FGF13: variants seen among roughly 807,000 people sequenced by gnomAD.
FGF13 encodes fibroblast growth factor 13.
A neutral mutation model predicts 19.5 loss-of-function variants in FGF13; 2 were observed. That is an observed-to-expected ratio of 0.10 (90% confidence interval 0.04 to 0.32). The LOEUF is 0.32. Among genes scored for constraint, FGF13 ranks in the 10% least tolerant of loss-of-function variants. The pLI, the probability that FGF13 is intolerant of heterozygous loss-of-function variation, is 1.00. For synonymous variants in FGF13, 72 were observed against 76.9 expected, an observed-to-expected ratio of 0.94 and a Z score of 0.33; for missense variants, 113 against 192.7, an observed-to-expected ratio of 0.59 and a Z score of 2.45.
At chrX:138,724,795 A>G (rs1436366965) in intron 1 of FGF13, among the ~76,000 whole-genome samples, 1 of 111,672 alleles carries the variant, frequency 9.0e-6, no homozygotes, top group Non-Finnish European at 1.9e-5. Flanking sequence ...TCCTGGATTG[A>G]ATCCTGGAAC....
chrX:139,087,174 T>C (rs2083410002), intron 1 of FGF13, among the ~76,000 whole-genome samples: 2 of 111,020 alleles, frequency 1.8e-5, no homozygotes, highest in African/African-American at 6.6e-5. Flanking sequence ...TGCACACCTG[T>C]AATCCCAGCT....
At chrX:139,145,948 C>T (rs183558435) in intron 1 of FGF13, among the ~76,000 whole-genome samples, 1 of 111,672 alleles carries the variant, frequency 9.0e-6, no homozygotes, top group Non-Finnish European at 1.9e-5. Flanking sequence ...CCTTTCCTTA[C>T]ACCTTATACA....
At chrX:138,891,592 C>T (rs1233441172) in intron 1 of FGF13, among the ~76,000 whole-genome samples, 4 of 111,600 alleles carry the variant, frequency 3.6e-5, no homozygotes, top group Non-Finnish European at 5.6e-5. Context: ...TTGTCAGAAA[C>T]ACATTCAGTC....
chrX:138,962,124 C>A (rs770926586), intron 1 of FGF13, among the ~76,000 whole-genome samples: 1 of 111,943 alleles, frequency 8.9e-6, no homozygotes, highest in South Asian at 3.7e-4. Flanking sequence ...GCAGAATCTA[C>A]AAAGAACTTA....
chrX:138,821,973 A>G (rs1477761784), intron 3 of FGF13, among the ~76,000 whole-genome samples: 1 of 112,011 alleles, frequency 8.9e-6, no homozygotes, highest in Non-Finnish European at 1.9e-5. Context: ...ATAGGTCCTC[A>G]CATATGAGAG....
intron 1 of FGF13, among the ~76,000 whole-genome samples, chrX:138,876,222 T>C (rs902210107): frequency 8.9e-6 from 1 of 112,694 alleles, no homozygotes; most frequent in Non-Finnish European, 1.9e-5. Context: ...TTCCACATTG[T>C]GGTGGACACA....
chrX:138,813,677 C>A (rs1251237841), intron 3 of FGF13, among the ~76,000 whole-genome samples: 2 of 112,157 alleles, frequency 1.8e-5, no homozygotes, highest in Non-Finnish European at 3.8e-5. Flanking sequence ...GTTGAAGCAA[C>A]TTTTTCCTGA....
intron 3 of FGF13, among the ~76,000 whole-genome samples, chrX:138,770,734 CT>C (rs2090539032): frequency 8.9e-6 from 1 of 111,986 alleles, no homozygotes; most frequent in Non-Finnish European, 1.9e-5. Context: ...TGGGTAGTGA[CT>C]TTGCAAATGG....
At chrX:138,728,021 T>G (rs189538321) in intron 1 of FGF13, among the ~76,000 whole-genome samples, 2 of 111,591 alleles carry the variant, frequency 1.8e-5, no homozygotes, top group African/African-American at 6.5e-5. Context: ...AAAGTCAAAC[T>G]TAGCAAAAAC....
intron 1 of FGF13, among the ~76,000 whole-genome samples, chrX:138,890,901 T>C (rs961215486): frequency 8.9e-6 from 1 of 112,109 alleles, no homozygotes; most frequent in African/African-American, 3.2e-5. Flanking sequence ...ATTATTGCTG[T>C]TGTCATTTCT....
At chrX:138,887,210 AT>A (rs1355669847) in intron 1 of FGF13, among the ~76,000 whole-genome samples, 2 of 111,902 alleles carry the variant, frequency 1.8e-5, no homozygotes, top group Non-Finnish European at 3.8e-5. Flanking sequence ...CACTTATAGG[AT>A]TGTTATTAGG....
intron 1 of FGF13, among the ~76,000 whole-genome samples, chrX:138,995,428 A>G (rs2092037661): frequency 8.9e-6 from 1 of 111,733 alleles, no homozygotes; most frequent in Non-Finnish European, 1.9e-5. Context: ...TACTAAACCC[A>G]GTATCCAATA....
chrX:138,713,674 C>T (rs2090075772), upstream of FGF13, among the ~76,000 whole-genome samples: 1 of 111,768 alleles, frequency 8.9e-6, no homozygotes, highest in Admixed American at 9.5e-5. Flanking sequence ...CACTTCTCCT[C>T]TCAGATAGCT....
At chrX:138,923,392 C>G (rs764153727) in intron 1 of FGF13, among the ~76,000 whole-genome samples, 8 of 112,102 alleles carry the variant, frequency 7.1e-5, no homozygotes, top group Non-Finnish European at 1.3e-4. Context: ...ACTAAAGGAT[C>G]AAACGGAATA....
At chrX:138,990,182 C>T (rs1004537338) in intron 1 of FGF13, among the ~76,000 whole-genome samples, 4 of 110,660 alleles carry the variant, frequency 3.6e-5, no homozygotes, top group Non-Finnish European at 7.6e-5. Flanking sequence ...GTGCAGGGCA[C>T]TTAATCATAA....
At chrX:138,879,022 G>T (rs2091408015) in intron 1 of FGF13, among the ~76,000 whole-genome samples, 1 of 111,217 alleles carries the variant, frequency 9.0e-6, no homozygotes, top group African/African-American at 3.3e-5. Flanking sequence ...TTGTACATTT[G>T]TTTGAGTTCA....
rs187022188 is a variant in FGF13, at chrX:138,627,080, C to T, written c.*5770G>A. 2.9e-3 allele frequency: 320 copies of T among 111,623 alleles called. 1 individual carries two copies. The highest frequency in any genetic ancestry group is 9.8e-3 in the African/African-American group (302 of 30,780). 9.2% of individuals were successfully genotyped at this position (111,623 alleles called of 1,213,427 possible). A position where few individuals can be genotyped will look rare whatever the true frequency, so the allele number is the denominator to read the frequency against. ...GCAATTGGAGTTCCACTTTATTAAT[C>T]GCAGTAAGGAAAGAAAAATTCTCTG... On this transcript the variant is annotated 3_prime_UTR_variant, in exon 5 of 5. Transcript: ENST00000315930.
intron 1 of FGF13, among the ~76,000 whole-genome samples, chrX:138,730,895 C>G (rs1402526594): frequency 9.0e-6 from 1 of 111,268 alleles, no homozygotes; most frequent in Non-Finnish European, 1.9e-5. Flanking sequence ...ATTGCAAACA[C>G]TAATCCTAAC....
upstream of FGF13, among the ~76,000 whole-genome samples, chrX:138,740,933 G>A (rs1473242497): frequency 1.8e-5 from 2 of 112,698 alleles, no homozygotes; most frequent in Admixed American, 1.9e-4. Flanking sequence ...ATGCTTAGAA[G>A]CACAGATGAT....
Sources: gnomAD v4.1 joint callset for allele counts (sites outside exome capture counted in the v4.1 genomes callset) on GRCh38, gnomAD v4.1.1 for gene constraint, MANE v1.5 for transcripts, NCBI Gene and HGNC (gene_info 2026-07-23, HGNC 2026-07-21) for gene names.